UPRT: variants seen among roughly 807,000 people sequenced by gnomAD.
UPRT encodes the protein RP11-311P8.3.
UPRT carries 5 observed loss-of-function variants against 22.6 expected under a neutral mutation model. The observed-to-expected ratio is 0.22, with a 90% CI of 0.12 to 0.47. UPRT has a LOEUF of 0.47. Among genes scored for constraint, UPRT ranks in the 20% least tolerant of loss-of-function variants. UPRT has a pLI of 0.99. For synonymous variants in UPRT, 77 were observed against 87.7 expected (o/e 0.88, Z 0.68); for missense variants, 181 against 239.9 (o/e 0.75, Z 1.62).
intron 4 of UPRT, among the ~76,000 whole-genome samples, chrX:75,236,236 T>A (rs1181399398): frequency 4.5e-5 from 5 of 111,293 alleles, no homozygotes; most frequent in Non-Finnish European, 9.4e-5. Context: ...GAATCCAACT[T>A]ACAAGGGATG....
rs141944711 is a variant in UPRT at position 75,194,236 on chromosome X, G to T, written c.-447+26357G>T. 3.0e-3 allele frequency among the ~76,000 whole-genome samples: 333 copies of T among 112,040 alleles called. 1 individual carries two copies. Among genetic ancestry groups the T allele is most frequent in the African/African-American group, 9.8e-3 (303 of 30,814 alleles). ...AAAGATTTTCAGGGCCAAAGGCTCA[G>T]CTCAGGATTCCTGAATTGCATGCTC... On this transcript the variant is annotated intron_variant, in intron 4 of 13. Coordinates refer to the UPRT transcript ENST00000652605.
At chrX:75,229,179 A>G (rs986161033) in intron 4 of UPRT, among the ~76,000 whole-genome samples, 1 of 112,239 alleles carries the variant, frequency 8.9e-6, no homozygotes, top group African/African-American at 3.2e-5. Context: ...CCCAAACAAA[A>G]TGGTAACTAT....
intron 4 of UPRT, among the ~76,000 whole-genome samples, chrX:75,178,517 G>A (rs1370965154): frequency 5.4e-5 from 6 of 111,734 alleles, no homozygotes; most frequent in Admixed American, 1.9e-4. Context: ...GGACCCTCAC[G>A]GTGAGTGTTA....
At chrX:75,288,381 A>G (rs756975032) in intron 1 of UPRT, among the ~76,000 whole-genome samples, 1 of 112,039 alleles carries the variant, frequency 8.9e-6, no homozygotes, top group Admixed American at 9.5e-5. Flanking sequence ...AGACACAATG[A>G]AAAAAGAAAA....
chrX:75,206,610 G>A (rs1366705583), intron 4 of UPRT, among the ~76,000 whole-genome samples: 1 of 111,171 alleles, frequency 9.0e-6, no homozygotes, highest in East Asian at 2.8e-4. Context: ...CAGCCTGGGT[G>A]AGTGAGGTTT....
chrX:75,209,779 G>A (rs180894770), intron 4 of UPRT, among the ~76,000 whole-genome samples: 2 of 112,476 alleles, frequency 1.8e-5, no homozygotes. Flanking sequence ...CAGGCTTCTG[G>A]CAGTGACTGT....
chrX:75,223,564 T>C (rs1207857446), intron 4 of UPRT, among the ~76,000 whole-genome samples: 1 of 111,672 alleles, frequency 9.0e-6, no homozygotes, highest in Admixed American at 9.5e-5. Context: ...CGTCTGTAAA[T>C]GCTCTCTCTG....
At position 75,222,963 on chromosome X, in the gene UPRT, T is replaced by C. The variant is rs182966156; in HGVS notation, c.-447+55084T>C. Among the ~76,000 whole-genome samples, 816 of 110,577 alleles carry C rather than the reference T, an allele frequency of 7.4e-3. 4 individuals carry two copies. Among genetic ancestry groups the C allele is most frequent in the Non-Finnish European group, 0.013 (683 of 53,060 alleles). ...CTGGGTCACATCTGAAACCAGCACATTTTTGGAGTCTTGCCAAAGGCCCAC... is the reference window on the plus strand; with the variant it reads ...CTGGGTCACATCTGAAACCAGCACACTTTTGGAGTCTTGCCAAAGGCCCAC... On this transcript the variant is annotated intron_variant, in intron 4 of 13. Transcript: ENST00000652605.
chrX:75,285,958 A>G (rs1454137438), intron 1 of UPRT, among the ~76,000 whole-genome samples: 2 of 111,724 alleles, frequency 1.8e-5, no homozygotes, highest in Non-Finnish European at 3.8e-5. Context: ...TTCATAAATC[A>G]TCTGTATACT....
rs201034223 is a variant in UPRT at position 75,274,775 on chromosome X, G to GGT, written c.386+176_386+177dup. 2,602 of 360,527 alleles carry GGT rather than the reference G, an allele frequency of 7.2e-3. 33 individuals are homozygous for GGT. The highest frequency in any genetic ancestry group is 0.047 in the African/African-American group (1,556 of 33,341). The allele number at this position is 360,527 out of a possible 1,213,427, so 29.7% of individuals were successfully genotyped here. ...GAGATTGGGGTAAGACCTTTTATTT[G>GGT]GTGTGTGTGTGTGTGTGTGTGTGTG... On this transcript the variant is annotated intron_variant, in intron 1 of 6. Transcript: ENST00000373383.
At chrX:75,250,170 C>G (rs1275518596) in intron 4 of UPRT, among the ~76,000 whole-genome samples, 4 of 110,930 alleles carry the variant, frequency 3.6e-5, no homozygotes, top group Non-Finnish European at 7.6e-5. Flanking sequence ...CAAGAGCAAA[C>G]ACATTCAAAA....
At chrX:75,177,095 C>A (rs1335851269) in intron 4 of UPRT, among the ~76,000 whole-genome samples, 1 of 111,315 alleles carries the variant, frequency 9.0e-6, no homozygotes, top group Non-Finnish European at 1.9e-5. Flanking sequence ...TCTCCCTGCC[C>A]AAGAACCTGC....
At chrX:75,219,376 A>T (rs2147634146) in intron 4 of UPRT, among the ~76,000 whole-genome samples, 1 of 112,290 alleles carries the variant, frequency 8.9e-6, no homozygotes, top group East Asian at 2.8e-4. Flanking sequence ...AAATGCAAAA[A>T]CAGAAGGTTT....
chrX:75,168,144 A>C (rs1325993896), intron 4 of UPRT, among the ~76,000 whole-genome samples: 2 of 112,108 alleles, frequency 1.8e-5, no homozygotes, highest in Non-Finnish European at 3.8e-5. Flanking sequence ...CTTTTTCTAA[A>C]ATGAATTGCA....
intron 4 of UPRT, among the ~76,000 whole-genome samples, chrX:75,200,723 G>A (rs1019044913): frequency 4.5e-5 from 5 of 111,312 alleles, no homozygotes; most frequent in East Asian, 2.8e-4. Flanking sequence ...AGGCTGAGGC[G>A]GGCGGATTGC....
At position 75,267,847 on chromosome X, in the gene UPRT, A is replaced by G. The variant is rs780453245; in HGVS notation, c.-446-23177A>G. Among the ~76,000 whole-genome samples the G allele has an allele frequency of 3.6e-5, 4 of 111,552 alleles. No homozygotes were observed. The South Asian group carries it at 1.5e-3, about 42-fold the overall frequency. ...TCAACATGCTAACATCACAATTAAA[A>G]GAACTGGAGAAGAAAGTGCAAACAA... On this transcript the variant is annotated intron_variant, in intron 4 of 13. Transcript: ENST00000652605.
At chrX:75,188,625 G>A (rs1276011063) in intron 4 of UPRT, among the ~76,000 whole-genome samples, 1 of 112,386 alleles carries the variant, frequency 8.9e-6, no homozygotes, top group Admixed American at 9.3e-5. Flanking sequence ...CCCGAGCCTC[G>A]CTGCCACCTT....
intron 4 of UPRT, among the ~76,000 whole-genome samples, chrX:75,249,709 C>G (rs1319647972): frequency 9.0e-6 from 1 of 111,378 alleles, no homozygotes; most frequent in Non-Finnish European, 1.9e-5. Flanking sequence ...ACCAAGCGGA[C>G]CTAATAGACA....
intron 4 of UPRT, among the ~76,000 whole-genome samples, chrX:75,266,563 T>A (rs1375804886): frequency 9.0e-6 from 1 of 111,164 alleles, no homozygotes; most frequent in Non-Finnish European, 1.9e-5. Flanking sequence ...CCAAAAGCAA[T>A]GATAATAAAA....
Sources: gnomAD v4.1 joint callset for allele counts (sites outside exome capture counted in the v4.1 genomes callset) on GRCh38, gnomAD v4.1.1 for gene constraint, MANE v1.5 for transcripts, NCBI Gene and HGNC (gene_info 2026-07-23, HGNC 2026-07-21) for gene names.